The following XPO7 variants were observed in gnomAD, a reference collection of about 807,000 sequenced individuals.
The protein encoded by XPO7 is exportin 7.
XPO7 carries 21 observed loss-of-function variants against 144.3 expected under a neutral mutation model. The observed-to-expected ratio is 0.15, with a 90% CI of 0.10 to 0.21. The LOEUF (loss-of-function observed/expected upper bound fraction) is 0.21. Ranked by LOEUF, XPO7 falls within the 10% of genes least tolerant of loss-of-function variation. XPO7 has a pLI of 1.00. For synonymous variants in XPO7, 580 were observed against 499.6 expected (o/e 1.16, Z -2.15); for missense variants, 808 against 1,325.8 (o/e 0.61, Z 6.06).
intron 1 of XPO7, among the ~76,000 whole-genome samples, chr8:21,963,436 C>T (rs1230480008): frequency 6.6e-6 from 1 of 152,210 alleles, no homozygotes; most frequent in Non-Finnish European, 1.5e-5. Flanking sequence ...TGGCTCACGC[C>T]TGTAATCCCA....
intron 1 of XPO7, among the ~76,000 whole-genome samples, chr8:21,930,310 C>T (rs2117246563): frequency 1.3e-5 from 2 of 152,210 alleles, no homozygotes; most frequent in East Asian, 3.9e-4. Context: ...TACTGTGTGC[C>T]AGATTGTTAG....
intron 1 of XPO7, among the ~76,000 whole-genome samples, chr8:21,930,265 A>G (rs1297745254): frequency 6.6e-6 from 1 of 152,190 alleles, no homozygotes; most frequent in Non-Finnish European, 1.5e-5. Flanking sequence ...ACATCAGTAA[A>G]CATTCCCTCA....
chr8:22,002,457 C>T (rs568708597), intron 25 of XPO7, among the ~76,000 whole-genome samples, 185 bp downstream of exon 25: 23 of 152,178 alleles, frequency 1.5e-4, no homozygotes, highest in Admixed American at 5.9e-4. Flanking sequence ...ATGTAGAAAA[C>T]GCTCAGGTTC....
At chr8:21,983,020 C>A (rs2117362221) in intron 11 of XPO7, among the ~76,000 whole-genome samples, 1 of 152,328 alleles carries the variant, frequency 6.6e-6, no homozygotes. Context: ...ATATTCTATT[C>A]ATATTCCCCC....
intron 8 of XPO7, among the ~76,000 whole-genome samples, chr8:21,978,515 A>C (rs1480007818): frequency 6.6e-6 from 1 of 152,138 alleles, no homozygotes; most frequent in African/African-American, 2.4e-5. Context: ...ATTAATGTAG[A>C]CCTTTGTGTT....
intron 1 of XPO7, among the ~76,000 whole-genome samples, chr8:21,940,257 A>G (rs1810947724): frequency 6.6e-6 from 1 of 152,250 alleles, no homozygotes; most frequent in Non-Finnish European, 1.5e-5. Flanking sequence ...AAAAGAATCA[A>G]ATATTTACCC....
intron 1 of XPO7, among the ~76,000 whole-genome samples, chr8:21,925,113 G>T (rs796462651): frequency 1.2e-4 from 18 of 152,238 alleles, no homozygotes; most frequent in African/African-American, 3.1e-4. Context: ...TCCAATACAT[G>T]TCTGGAATAC....
In XPO7 at chr8:21,969,980, T is replaced by TA. The variant is rs1475217979; in HGVS notation, c.260-161dup. ...TTAGAACACCTACTAATCTTAAATT[T>TA]AAAGTCCCATTTGGAACAGTAGCAT... is the stretch of plus-strand genomic sequence containing the variant. On this transcript the variant is annotated intron_variant, in intron 3 of 27. Transcript: ENST00000252512. 5.0e-5 allele frequency: 40 copies of TA among 794,160 alleles called. No homozygotes were observed. The Admixed American group carries it at 1.2e-3, about 24-fold the overall frequency. The allele number at this position is 794,160 out of a possible 1,614,324, so 49.2% of individuals were successfully genotyped here.
At chr8:21,978,290 ATGG>A (rs1400517257) in intron 8 of XPO7, among the ~76,000 whole-genome samples, 1 of 152,234 alleles carries the variant, frequency 6.6e-6, no homozygotes, top group Admixed American at 6.5e-5. Context: ...GCTATTGGGA[ATGG>A]TGTATTTCTC....
At chr8:21,935,183 A>T (rs1810781685) in intron 1 of XPO7, among the ~76,000 whole-genome samples, 1 of 152,170 alleles carries the variant, frequency 6.6e-6, no homozygotes, top group African/African-American at 2.4e-5. Flanking sequence ...ATTGATTTTG[A>T]CTACTCTATG....
intron 1 of XPO7, among the ~76,000 whole-genome samples, chr8:21,957,738 A>G (rs1811585985): frequency 6.6e-6 from 1 of 152,218 alleles, no homozygotes; most frequent in South Asian, 2.1e-4. Flanking sequence ...ACTGTGTGCC[A>G]GACACTCTTG....
chr8:21,957,879 GT>G (rs1215950677), intron 1 of XPO7, among the ~76,000 whole-genome samples: 7 of 149,060 alleles, frequency 4.7e-5, no homozygotes, highest in South Asian at 2.1e-4. Context: ...TCCTTTCCGG[GT>G]TTTTTTTTTC....
At chr8:21,963,288 T>C (rs1372505272) in intron 1 of XPO7, among the ~76,000 whole-genome samples, 1 of 152,236 alleles carries the variant, frequency 6.6e-6, no homozygotes, top group Non-Finnish European at 1.5e-5. Context: ...ATTATGCTTA[T>C]GTCTAGTTCA....
intron 11 of XPO7, among the ~76,000 whole-genome samples, chr8:21,983,519 T>C (rs942958163): frequency 2.0e-5 from 3 of 152,230 alleles, no homozygotes; most frequent in African/African-American, 7.2e-5. Context: ...TCATGAGTTA[T>C]AGTCTTAACT....
At position 21,987,864 on chromosome 8, in the gene XPO7, G is replaced by GT. The variant is rs748269463; in HGVS notation, c.1787+10dup. 1 of 1,613,288 alleles carries GT rather than the reference G, an allele frequency of 6.2e-7. No individual in the cohort carries two copies. Among genetic ancestry groups the GT allele is most frequent in the Non-Finnish European group, 8.5e-7 (1 of 1,179,586 alleles). ...GCGTCTTCATAGGAAAAATGTAAGT[G>GT]TTTCAGCTTGCCACCAGCAAGAGTC... On this transcript the variant is annotated splice_region_variant and intron_variant, in intron 15 of 27. Transcript: ENST00000252512.
At chr8:22,001,460 G>A (rs926069736) in intron 24 of XPO7, among the ~76,000 whole-genome samples, 3 of 152,126 alleles carry the variant, frequency 2.0e-5, no homozygotes, top group African/African-American at 7.2e-5. Flanking sequence ...AGGTTGTGCT[G>A]TACTGTTCCC....
intron 27 of XPO7, 115 bp downstream of exon 27, chr8:22,004,145 A>G: frequency 2.9e-6 from 4 of 1,359,472 alleles, no homozygotes; most frequent in Non-Finnish European, 4.0e-6. Context: ...ATCTAAAGCA[A>G]TGCAATGCAA....
At chr8:21,981,009 C>CA (rs1247071338) in intron 9 of XPO7, among the ~76,000 whole-genome samples, 1 of 152,018 alleles carries the variant, frequency 6.6e-6, no homozygotes, top group East Asian at 1.9e-4. Flanking sequence ...CAGTTTATTT[C>CA]AAAATATACT....
At chr8:21,959,317 A>G (rs1431262040) in intron 1 of XPO7, among the ~76,000 whole-genome samples, 1 of 152,244 alleles carries the variant, frequency 6.6e-6, no homozygotes, top group Non-Finnish European at 1.5e-5. Context: ...CAGTATAATC[A>G]ATAATAGCCA....
Sources: allele counts gnomAD v4.1 joint callset (sites outside exome capture counted in the v4.1 genomes callset), GRCh38; gene constraint gnomAD v4.1.1; transcripts MANE v1.5; gene names NCBI Gene and HGNC (gene_info 2026-07-23, HGNC 2026-07-21).